The following PRKG1 variants were observed in gnomAD, a reference collection of about 807,000 sequenced individuals.
The protein encoded by PRKG1 is cGMP-dependent protein kinase 1.
A neutral mutation model predicts 88.1 loss-of-function variants in PRKG1; 35 were observed. The observed-to-expected ratio is 0.40, with a 90% CI of 0.30 to 0.53. The LOEUF (loss-of-function observed/expected upper bound fraction) is 0.53. Ranked by LOEUF, PRKG1 falls within the 20% of genes least tolerant of loss-of-function variation. The pLI, the probability that PRKG1 is intolerant of heterozygous loss-of-function variation, is 0.59. For missense variants in PRKG1, 540 were observed against 839.8 expected, an observed-to-expected ratio of 0.64 and a Z score of 4.41; for synonymous variants, 303 against 292.5, an observed-to-expected ratio of 1.04 and a Z score of -0.37.
At chr10:51,538,541 T>C (rs939524588) in intron 3 of PRKG1, among the ~76,000 whole-genome samples, 1 of 145,540 alleles carries the variant, frequency 6.9e-6, no homozygotes, top group African/African-American at 2.5e-5. Flanking sequence ...AGAGAACCAG[T>C]TTGATTTTTA....
intron 3 of PRKG1, among the ~76,000 whole-genome samples, chr10:51,492,861 A>G (rs1206026997): frequency 6.6e-6 from 1 of 152,182 alleles, no homozygotes; most frequent in Non-Finnish European, 1.5e-5. Flanking sequence ...CATGATTATT[A>G]TAAGTGACAA....
chr10:52,291,936 A>T (rs1248218422), intron 17 of PRKG1, among the ~76,000 whole-genome samples: 1 of 152,024 alleles, frequency 6.6e-6, no homozygotes, highest in African/African-American at 2.4e-5. Flanking sequence ...CTTTTTAATG[A>T]TCGCCATTCT....
chr10:51,111,730 A>T (rs958716103), intron 1 of PRKG1, among the ~76,000 whole-genome samples: 3 of 152,198 alleles, frequency 2.0e-5, no homozygotes, highest in Non-Finnish European at 4.4e-5. Flanking sequence ...TGTTTGATTC[A>T]TTCACATATT....
intron 5 of PRKG1, among the ~76,000 whole-genome samples, chr10:52,051,022 C>T (rs745558644): frequency 5.9e-5 from 9 of 152,066 alleles, no homozygotes; most frequent in African/African-American, 9.7e-5. Context: ...TGTTAAACAT[C>T]CTGCAGCAAA....
At chr10:51,018,094 T>A (rs1589109189) in intron 1 of PRKG1, among the ~76,000 whole-genome samples, 2 of 152,284 alleles carry the variant, frequency 1.3e-5, no homozygotes, top group East Asian at 3.9e-4. Context: ...AGGGTTGGGA[T>A]TACAGGCATG....
chr10:52,101,580 A>G (rs1162507370), intron 7 of PRKG1, among the ~76,000 whole-genome samples: 21 of 152,202 alleles, frequency 1.4e-4, no homozygotes, highest in Admixed American at 1.0e-3. Flanking sequence ...CATTTAATGA[A>G]TTCTTACTGG....
rs573039582 is a variant in PRKG1, at chr10:51,402,098, A to G, written c.479-65625A>G. ...TATTGGAAATTATAGCATAAGAACA[A>G]TACAAATATACTAGTACTGATATAT... On this transcript the variant is annotated intron_variant, in intron 2 of 17. Coordinates refer to ENST00000373980, the MANE Select transcript of PRKG1 (RefSeq NM_006258.4). 3.9e-5 allele frequency among the ~76,000 whole-genome samples: 6 copies of G among 152,352 alleles called. No homozygotes were observed. The South Asian group carries it at 1.2e-3, about 32-fold the overall frequency.
chr10:51,459,797 T>C (rs1173215641), intron 2 of PRKG1, among the ~76,000 whole-genome samples: 1 of 152,164 alleles, frequency 6.6e-6, no homozygotes, highest in Non-Finnish European at 1.5e-5. Context: ...TAATTACTTC[T>C]AATTTCAGGT....
intron 3 of PRKG1, among the ~76,000 whole-genome samples, chr10:51,578,980 GTTTT>G (rs752412264): frequency 2.6e-4 from 20 of 77,830 alleles, no homozygotes; most frequent in South Asian, 1.5e-3. Context: ...AGTTCTGTTG[GTTTT>G]TTTTTTTTTT....
chr10:51,398,504 A>G (rs556057013), intron 2 of PRKG1, among the ~76,000 whole-genome samples: 2 of 152,316 alleles, frequency 1.3e-5, no homozygotes, highest in Admixed American at 1.3e-4. Flanking sequence ...AACCAAGAAC[A>G]AAATAATAGG....
At chr10:51,995,422 T>C (rs1190269661) in intron 5 of PRKG1, among the ~76,000 whole-genome samples, 4 of 152,232 alleles carry the variant, frequency 2.6e-5, no homozygotes, top group Admixed American at 2.6e-4. Context: ...TTATTCATTG[T>C]CTAAAACTTT....
chr10:51,948,647 C>T (rs1489067391), intron 5 of PRKG1, among the ~76,000 whole-genome samples: 2 of 152,028 alleles, frequency 1.3e-5, no homozygotes. Context: ...GAGAAATAGA[C>T]TCTGAGTATT....
intron 3 of PRKG1, among the ~76,000 whole-genome samples, chr10:51,531,869 C>A (rs1258110270): frequency 6.6e-6 from 1 of 151,696 alleles, no homozygotes; most frequent in African/African-American, 2.4e-5. Context: ...GGTCTTGAAC[C>A]CCTGACCTCG....
chr10:51,817,347 A>AACCC (rs1564659070), intron 4 of PRKG1, among the ~76,000 whole-genome samples: 4 of 129,590 alleles, frequency 3.1e-5, no homozygotes, highest in Non-Finnish European at 6.8e-5. Flanking sequence ...TCCCTCCCCA[A>AACCC]CCCCCCCCCT....
At chr10:51,013,549 C>T (rs906143187) in intron 1 of PRKG1, among the ~76,000 whole-genome samples, 1 of 152,072 alleles carries the variant, frequency 6.6e-6, no homozygotes, top group Non-Finnish European at 1.5e-5. Context: ...TGCCACCACA[C>T]CTGGCTAAGT....
chr10:51,671,587 T>C (rs1384739097), intron 3 of PRKG1, among the ~76,000 whole-genome samples: 1 of 148,712 alleles, frequency 6.7e-6, no homozygotes, highest in Non-Finnish European at 1.5e-5. Flanking sequence ...TCTCTCTCTC[T>C]CTCTTTTTTT....
chr10:50,995,703 C>A (rs1441226951), intron 1 of PRKG1, among the ~76,000 whole-genome samples: 1 of 152,132 alleles, frequency 6.6e-6, no homozygotes, highest in Admixed American at 6.6e-5. Flanking sequence ...TTTTGGCTGC[C>A]TAGTTAGCCA....
chr10:51,575,248 T>G (rs1837855705), intron 3 of PRKG1, among the ~76,000 whole-genome samples: 1 of 151,910 alleles, frequency 6.6e-6, no homozygotes, highest in African/African-American at 2.4e-5. Context: ...TTCTCTTCAT[T>G]TTTCTTTACT....
At chr10:52,282,372 C>G (rs1170133546) in intron 14 of PRKG1, 56 bp downstream of exon 14, 2 of 1,455,650 alleles carry the variant, frequency 1.4e-6, no homozygotes, top group African/African-American at 2.8e-5. Context: ...CAGCTACACA[C>G]TCCTGCTTTT....
Sources: allele counts gnomAD v4.1 joint callset (sites outside exome capture counted in the v4.1 genomes callset), GRCh38; gene constraint gnomAD v4.1.1; transcripts MANE v1.5; gene names NCBI Gene and HGNC (gene_info 2026-07-23, HGNC 2026-07-21).